Variants in FER observed in about 807,000 individuals in gnomAD.
FER encodes the protein FER tyrosine kinase.
In FER, 63 loss-of-function variants were observed where a neutral mutation model predicts 111.0. The ratio of observed to expected loss-of-function variants is 0.57; its 90% CI spans 0.46 to 0.70. FER has a LOEUF of 0.70. FER is among the 30% of genes least tolerant of loss of function. The probability of loss-of-function intolerance (pLI) is 0.00; values close to 1 mark genes in which losing one functional copy is unlikely to be tolerated. For synonymous variants in FER, 327 were observed against 313.9 expected (o/e 1.04, Z -0.44); for missense variants, 914 against 954.0 (o/e 0.96, Z 0.55).
chr5:108,969,616 T>TTTTTTTTTTTTTTTTTTTTTTTTGAGACG (rs1561695264), intron 13 of FER, among the ~76,000 whole-genome samples: 2 of 149,048 alleles, frequency 1.3e-5, no homozygotes, highest in African/African-American at 5.2e-5. Context: ...TTAATTTTTT[T>TTTTTTTTTTTTTTTTTTTTTTTTGAGACG]GAACACTGTG....
At chr5:108,865,049 T>A (rs1429239275) in intron 5 of FER, among the ~76,000 whole-genome samples, 20 of 150,954 alleles carry the variant, frequency 1.3e-4, no homozygotes, top group Admixed American at 2.6e-4. Flanking sequence ...AGTGGTTTGT[T>A]GTTCTCCTTG....
In FER at chr5:109,065,679, A is replaced by G. The variant is rs543611922; in HGVS notation, c.1924+18481A>G. ...ACAAATTCATTATGAAGGATTACAT[A>G]TTATATTAAGCATTGTATAGCCTCT... On this transcript the variant is annotated intron_variant, in intron 16 of 19. Coordinates refer to ENST00000281092, the MANE Select transcript of FER (RefSeq NM_005246.4). 2.4e-4 allele frequency among the ~76,000 whole-genome samples: 37 copies of G among 152,318 alleles called. 1 individual carries two copies. Among genetic ancestry groups the G allele is most frequent in the Middle Eastern group, 6.8e-3 (2 of 294 alleles).
intron 13 of FER, among the ~76,000 whole-genome samples, chr5:108,998,901 A>G (rs1382883482): frequency 6.6e-6 from 1 of 152,158 alleles, no homozygotes; most frequent in African/African-American, 2.4e-5. Context: ...AAAGTGATTT[A>G]TATATGTTGT....
At chr5:108,841,796 C>T (rs984031256) in intron 5 of FER, 7 of 414,276 alleles carry the variant, frequency 1.7e-5, no homozygotes, top group Non-Finnish European at 2.8e-5. Context: ...GCAAAATACT[C>T]AGTCTTCCTT....
chr5:108,762,481 G>C (rs1235019542), intron 1 of FER, among the ~76,000 whole-genome samples: 1 of 152,094 alleles, frequency 6.6e-6, no homozygotes. Context: ...TACTACTGTT[G>C]CTCTAAATAA....
intron 17 of FER, among the ~76,000 whole-genome samples, chr5:109,159,952 T>C (rs373174866): frequency 6.6e-6 from 1 of 151,602 alleles, no homozygotes; most frequent in East Asian, 1.9e-4. Flanking sequence ...GTTATTAAAG[T>C]GACAAAGAGA....
Position 109,194,513 on chromosome 5 carries a change from A to C in FER, c.*6938A>C, listed in dbSNP as rs1368397978. 1 of 152,224 alleles carries C rather than the reference A, an allele frequency of 6.6e-6. No homozygotes were observed. Among genetic ancestry groups the C allele is most frequent in the East Asian group, 1.9e-4 (1 of 5,204 alleles). The allele number at this position is 152,224 out of a possible 1,614,324, so 9.4% of individuals were successfully genotyped here. Reference sequence around the variant, plus strand: ...GTAAATAGTATCCAAAGCAGATTCTAAAATGACATAGTAAGAAGCCAGATT... The same window carrying C: ...GTAAATAGTATCCAAAGCAGATTCTCAAATGACATAGTAAGAAGCCAGATT... On this transcript the variant is annotated 3_prime_UTR_variant, in exon 20 of 20. Coordinates refer to ENST00000281092, the MANE Select transcript of FER (RefSeq NM_005246.4).
chr5:108,924,232 C>T (rs964638562), intron 10 of FER, among the ~76,000 whole-genome samples: 2 of 151,748 alleles, frequency 1.3e-5, no homozygotes, highest in Admixed American at 1.3e-4. Context: ...CGGTGGTGGG[C>T]ACCTGTAATC....
chr5:109,044,371 C>T (rs1771639008), intron 14 of FER, among the ~76,000 whole-genome samples: 1 of 151,902 alleles, frequency 6.6e-6, no homozygotes, highest in East Asian at 1.9e-4. Context: ...TTAGTAGAGA[C>T]GGGGTTTCAC....
rs185170578 is a variant in FER, at chr5:108,769,631, G to A, written c.-60+1393G>A. Among the ~76,000 whole-genome samples the A allele has an allele frequency of 2.1e-3, 317 of 152,166 alleles. 3 individuals are homozygous for A. The highest frequency in any genetic ancestry group is 7.1e-3 in the African/African-American group (294 of 41,516). The stretch of plus-strand genomic sequence containing the variant: ...AGGGAGAGATGGATGAATTTGAGAT[G>A]CATTTTTGTGTTTTTTTTAGACAGA... On this transcript the variant is annotated intron_variant, in intron 2 of 19. Coordinates refer to ENST00000281092, the MANE Select transcript of FER (RefSeq NM_005246.4).
chr5:108,961,380 A>G (rs908038028), intron 13 of FER, among the ~76,000 whole-genome samples: 4 of 152,174 alleles, frequency 2.6e-5, no homozygotes, highest in African/African-American at 7.2e-5. Flanking sequence ...AAATAAAGCT[A>G]TACCCCTTAT....
At chr5:109,073,332 C>CA (rs1471090335) in intron 16 of FER, among the ~76,000 whole-genome samples, 1 of 152,168 alleles carries the variant, frequency 6.6e-6, no homozygotes, top group Non-Finnish European at 1.5e-5. Flanking sequence ...CAACAAGACT[C>CA]AAACACCTTG....
chr5:109,110,985 TTGTAA>T lies in FER; in HGVS notation c.2048+10469_2048+10473del, dbSNP rs528384156. Among the ~76,000 whole-genome samples, 551 of 152,246 alleles carry T rather than the reference TTGTAA, an allele frequency of 3.6e-3. 2 individuals carry two copies. The highest frequency in any genetic ancestry group is 6.1e-3 in the Non-Finnish European group (416 of 68,012). On this transcript the variant is annotated intron_variant, in intron 17 of 19. Coordinates refer to ENST00000281092, the MANE Select transcript of FER (RefSeq NM_005246.4). ...ATTGTTTTATCACACTATGTAATTC[TTGTAA>T]TGGAAGAAAAATGAAGACCTTGAAA...
chr5:108,995,283 A>C (rs1763839436), intron 13 of FER, among the ~76,000 whole-genome samples: 2 of 151,844 alleles, frequency 1.3e-5, no homozygotes, highest in Admixed American at 1.3e-4. Flanking sequence ...TTTAATTATT[A>C]TACTTTAAGT....
At chr5:109,127,682 G>A (rs1290704935) in intron 17 of FER, among the ~76,000 whole-genome samples, 1 of 152,044 alleles carries the variant, frequency 6.6e-6, no homozygotes, top group Non-Finnish European at 1.5e-5. Flanking sequence ...TGGGATTACA[G>A]CGTGAGCCAC....
At chr5:109,088,538 G>A (rs3797842) in intron 16 of FER, among the ~76,000 whole-genome samples, 68,301 of 151,766 alleles carry the variant, frequency 0.45, 16,108 homozygotes, top group African/African-American at 0.59. Flanking sequence ...TGAGCATTGG[G>A]GTTGAGGTGA....
At chr5:109,065,912 AAAGAGT>A (rs1376697226) in intron 16 of FER, among the ~76,000 whole-genome samples, 1 of 152,206 alleles carries the variant, frequency 6.6e-6, no homozygotes, top group African/African-American at 2.4e-5. Context: ...CCTTTGTTTG[AAAGAGT>A]AAATTTGCCT....
chr5:109,166,252 C>G (rs560636690), intron 17 of FER, among the ~76,000 whole-genome samples: 75 of 151,942 alleles, frequency 4.9e-4, no homozygotes, highest in African/African-American at 1.7e-3. Context: ...TGTCAGTGCA[C>G]CAAAGCTTGG....
rs146305391 is a variant in FER at position 108,988,508 on chromosome 5, C to G, written c.1656+29161C>G. ...AGTTTCTGTTTCTTCTTGGTTTAAT[C>G]TAGGAGGGTCCTTTATTTCCAGGAA... is the stretch of plus-strand genomic sequence containing the variant. On this transcript the variant is annotated intron_variant, in intron 13 of 19. Transcript: ENST00000281092. 2.0e-4 allele frequency among the ~76,000 whole-genome samples: 30 copies of G among 152,220 alleles called. 1 individual carries two copies. In the East Asian group the frequency reaches 5.6e-3, roughly 28 times the overall value.
Sources: gnomAD v4.1 joint callset for allele counts (sites outside exome capture counted in the v4.1 genomes callset) on GRCh38, gnomAD v4.1.1 for gene constraint, MANE v1.5 for transcripts, NCBI Gene and HGNC (gene_info 2026-07-23, HGNC 2026-07-21) for gene names.